Variants in COL5A3 observed in about 807,000 individuals in gnomAD.
COL5A3 encodes collagen alpha-3(V) chain.
A neutral mutation model predicts 250.0 loss-of-function variants in COL5A3; 172 were observed. The observed-to-expected ratio is 0.69, with a 90% CI of 0.61 to 0.78. The LOEUF (loss-of-function observed/expected upper bound fraction) is 0.78, where lower values mean the gene tolerates loss of function less well. Ranked by LOEUF, COL5A3 falls within the 30% of genes least tolerant of loss-of-function variation. The pLI is 0.00. For missense variants in COL5A3, 2,340 were observed against 2,334.4 expected (o/e 1.00, Z -0.05); for synonymous variants, 937 against 900.4 (o/e 1.04, Z -0.73).
chr19:9,979,932 G>A (rs2086983284), intron 36 of COL5A3, 40 bp from the exon 37 acceptor site: 3 of 1,574,538 alleles, frequency 1.9e-6, no homozygotes, highest in African/African-American at 1.4e-5. Flanking sequence ...CACAGATACA[G>A]GGCTTCCTCC....
intron 61 of COL5A3, 90 bp from the exon 62 acceptor site, chr19:9,967,490 C>A: frequency 1.2e-6 from 1 of 826,874 alleles, no homozygotes; most frequent in Non-Finnish European, 1.9e-6. Context: ...CACTCACACA[C>A]ACACTCACAC....
At chr19:9,967,566 G>C in intron 61 of COL5A3, 166 bp from the exon 62 acceptor site, 1 of 615,032 alleles carries the variant, frequency 1.6e-6, no homozygotes, top group Non-Finnish European at 2.8e-6. Context: ...TACAGCCTTG[G>C]GGAAGAGACA....
chr19:9,983,751 G>C (rs922888861), intron 31 of COL5A3, among the ~76,000 whole-genome samples: 3 of 151,264 alleles, frequency 2.0e-5, no homozygotes, highest in Admixed American at 1.3e-4. Context: ...CAGTGAGGGA[G>C]GGAGGGAAGA....
Position 9,996,464 on chromosome 19 carries a change from G to GC in COL5A3, c.1390dup (p.Ala464GlyfsTer84). 6.2e-7 allele frequency: 1 copy of GC among 1,614,066 alleles called. No individual in the cohort carries two copies. The highest frequency in any genetic ancestry group is 8.5e-7 in the Non-Finnish European group (1 of 1,180,010). On this transcript the variant is annotated frameshift_variant, in exon 13 of 67. Transcript: ENST00000264828. LOFTEE classifies it high-confidence loss of function. Reference sequence around the variant, plus strand: ...CTGCTGCAGAACTGCCTGAGCCTGGGCCTGCTGGAATGAGACTGGGGGGCC... The same window carrying GC: ...CTGCTGCAGAACTGCCTGAGCCTGGGCCCTGCTGGAATGAGACTGGGGGGCC...
Position 10,004,117 on chromosome 19 carries a change from G to T in COL5A3, c.623C>A (p.Pro208Gln). The T allele has an allele frequency of 6.2e-7, 1 of 1,613,980 alleles. No homozygotes were observed. The highest frequency in any genetic ancestry group is 8.5e-7 in the Non-Finnish European group (1 of 1,179,930). ...AGCCTGGAAGGCAGCCTGAGGATCT[G>T]GGCTTATCAGCAGCTCCTGAATGTC... ...EGDIQELLIS[P>Q]DPQAAFQACE... The change falls in exon 5 of 67, where the codon CCA (proline) becomes CAA (glutamine). Residue 208 changes from proline (P) to glutamine (Q), a missense_variant. Physicochemically the swap from Pro to Gln is moderately conservative, Grantham distance 76. This residue lies in a region of COL5A3 where 1,152 missense variants were observed against 1,146.3 expected (regional missense o/e 1.00). Transcript: ENST00000264828.
At position 9,973,932 on chromosome 19, in the gene COL5A3, G is replaced by A. The variant is rs1456373275; in HGVS notation, c.3545C>T (p.Pro1182Leu). 6.4e-7 allele frequency: 1 copy of A among 1,558,060 alleles called. No individual in the cohort carries two copies. Among genetic ancestry groups the A allele is most frequent in the Admixed American group, 1.9e-5 (1 of 51,858 alleles). Reference protein sequence around the residue: ...GAPGPRGPQGPTGSEGTPGLP... With the variant: ...GAPGPRGPQGLTGSEGTPGLP... ...AAGAGTTCTCACCTCTGATCCAGTG[G>A]GGCCTTGGGGACCCCGAGGACCTGG... The change falls in exon 48 of 67, where the codon CCC becomes CTC. Residue 1182 changes from proline (P) to leucine (L), a missense_variant. Pro to Leu is a moderately conservative substitution (Grantham distance 98, BLOSUM62 -3). This residue lies in a region of COL5A3 where 1,179 missense variants were observed against 1,162.6 expected (regional missense o/e 1.01). Coordinates refer to ENST00000264828, the MANE Select transcript of COL5A3 (RefSeq NM_015719.4).
At chr19:9,998,256 A>C in intron 8 of COL5A3, 107 bp from the exon 9 acceptor site, 3 of 1,002,692 alleles carry the variant, frequency 3.0e-6, no homozygotes, top group Non-Finnish European at 4.4e-6. Context: ...ACACACACAC[A>C]CGGAGTCCAC....
intron 62 of COL5A3, 37 bp downstream of exon 62, chr19:9,967,310 T>C (rs1033277886): frequency 6.5e-6 from 9 of 1,388,268 alleles, no homozygotes; most frequent in Non-Finnish European, 8.4e-6. Flanking sequence ...TCCCCCCAGG[T>C]TTTGGTGTCC....
rs2087103454 is a variant in COL5A3 at position 9,986,576 on chromosome 19, C to T, written c.2221G>A (p.Asp741Asn). The T allele has an allele frequency of 6.2e-6, 10 of 1,613,922 alleles. No individual in the cohort carries two copies. The highest frequency in any genetic ancestry group is 2.2e-5 in the South Asian group (2 of 91,062). ...ACCTGATCACCTTTGAGCCCCACAT[C>T]GCCCTTGAAGCCTGGGAAGCCGTCC... ...GEDGFPGFKG[D>N]VGLKGDQGKP... is the part of the protein sequence containing the mutation. Residue 741 changes from aspartate (D) to asparagine (N), a missense_variant, in exon 29 of 67, where the codon GAT (aspartate) becomes AAT (asparagine). Asp to Asn is a conservative substitution (Grantham distance 23). Coordinates refer to ENST00000264828, the MANE Select transcript of COL5A3 (RefSeq NM_015719.4).
At chr19:9,999,134 T>C (rs1264579381) in intron 8 of COL5A3, among the ~76,000 whole-genome samples, 2 of 118,082 alleles carry the variant, frequency 1.7e-5, no homozygotes, top group East Asian at 4.7e-4. Context: ...TTCTCTCTCT[T>C]TTTTCCTTCC....
rs1255952672 is a variant in COL5A3, at chr19:10,001,895, G to A, written c.850-14C>T. 1.3e-6 allele frequency: 2 copies of A among 1,594,544 alleles called. No individual in the cohort carries two copies. Among genetic ancestry groups the A allele is most frequent in the Non-Finnish European group, 1.7e-6 (2 of 1,162,734 alleles). Reference sequence around the variant, plus strand: ...GTCAGTGGAGGTCTGGAGCAGGGATGGAGGGAGCCTTGGGTCTCGGGTGAG... The same window carrying A: ...GTCAGTGGAGGTCTGGAGCAGGGATAGAGGGAGCCTTGGGTCTCGGGTGAG... On this transcript the variant is annotated splice_polypyrimidine_tract_variant and intron_variant, in intron 6 of 66. Coordinates refer to ENST00000264828, the MANE Select transcript of COL5A3 (RefSeq NM_015719.4).
rs988019603 is a variant in COL5A3, at chr19:9,980,892, G to T, written c.2506-33C>A. ...AAAAAAAAAGGCAAAGATCAGATATGAGGGGGTGGGGGAGCCTGGGAGATG... is the reference window on the plus strand; with the variant it reads ...AAAAAAAAAGGCAAAGATCAGATATTAGGGGGTGGGGGAGCCTGGGAGATG... On this transcript the variant is annotated intron_variant, in intron 33 of 66. Coordinates refer to ENST00000264828, the MANE Select transcript of COL5A3 (RefSeq NM_015719.4). 3.8e-6 allele frequency: 6 copies of T among 1,591,164 alleles called. No individual in the cohort carries two copies. In the African/African-American group the frequency reaches 6.8e-5, roughly 18 times the overall value.
Position 9,992,213 on chromosome 19 carries a change from G to A in COL5A3, c.1849-165C>T, listed in dbSNP as rs369859852. Among the ~76,000 whole-genome samples, 79 of 151,578 alleles carry A rather than the reference G, an allele frequency of 5.2e-4. 1 individual carries two copies. The highest frequency in any genetic ancestry group is 9.9e-4 in the Non-Finnish European group (67 of 67,866). On this transcript the variant is annotated intron_variant, in intron 21 of 66. Coordinates refer to ENST00000264828, the MANE Select transcript of COL5A3 (RefSeq NM_015719.4). ...TGAGGCAGGTGGATCACCTGAGGTC[G>A]GGAGTTTAAGACCAGCCTGGCCAAC...
At position 9,968,561 on chromosome 19, in the gene COL5A3, C is replaced by T. The variant is rs142581181; in HGVS notation, c.4207-69G>A. ...TTCAGGGAGGTTTTTCTCCTAGAGC[C>T]TTAGGGTGATGAGTTTGGGAGCAGA... On this transcript the variant is annotated intron_variant, in intron 58 of 66. Coordinates refer to ENST00000264828, the MANE Select transcript of COL5A3 (RefSeq NM_015719.4). This position sits in a 1 kb window ranked among gnomAD's most constrained non-coding sequence, Gnocchi z 4.1. The T allele has an allele frequency of 6.2e-4, 980 of 1,580,550 alleles. 1 individual carries two copies. The highest frequency in any genetic ancestry group is 7.9e-4 in the Non-Finnish European group (920 of 1,158,520).
chr19:9,967,861 G>A, intron 61 of COL5A3, 43 bp downstream of exon 61: 1 of 1,594,044 alleles, frequency 6.3e-7, no homozygotes, highest in Non-Finnish European at 8.6e-7. Context: ...GAAGGGGGTG[G>A]GGAGCTGGGA....
chr19:9,960,221 A>G lies in COL5A3; in HGVS notation c.*190T>C, dbSNP rs528095148. On this transcript the variant is annotated 3_prime_UTR_variant, in exon 67 of 67. Coordinates refer to ENST00000264828, the MANE Select transcript of COL5A3 (RefSeq NM_015719.4). ...CTGGAATGGGGTGAGAGGAGGCTGG[A>G]CCCTTGGGCCAGGGAACCCCAGCCC... 90 of 668,806 alleles carry G rather than the reference A, an allele frequency of 1.3e-4. No individual in the cohort carries two copies. The African/African-American group carries it at 1.5e-3, about 11-fold the overall frequency. The allele number at this position is 668,806 out of a possible 1,614,324, so 41.4% of individuals were successfully genotyped here. A position where few individuals can be genotyped will look rare whatever the true frequency, so the allele number is the denominator to read the frequency against.
chr19:10,003,929 G>T, intron 5 of COL5A3, 112 bp downstream of exon 5: 2 of 1,062,508 alleles, frequency 1.9e-6, no homozygotes, highest in Non-Finnish European at 2.9e-6. Context: ...GGAGGTCACG[G>T]GTCACTTAAC....
chr19:9,996,621 C>G lies in COL5A3; in HGVS notation c.1332G>C (p.Met444Ile), dbSNP rs2087277621. The G allele has an allele frequency of 6.2e-6, 10 of 1,613,910 alleles. No homozygotes were observed. The East Asian group carries it at 2.2e-4, about 36-fold the overall frequency. Residue 444 changes from methionine (M) to isoleucine (I), a missense_variant, in exon 12 of 67, where the codon ATG becomes ATC. By Grantham distance (10) the Met-to-Ile change is conservative. Transcript: ENST00000264828. Reference protein sequence around the residue: ...GIRGPPGTVIMMPFQFAGGSF... With the variant: ...GIRGPPGTVIIMPFQFAGGSF... ...CACTCCATCTCCTTCTTACCGGCAT[C>G]ATGATCACAGTGCCCGGTGGGCCTC...
rs377335266 is a variant in COL5A3 at position 9,960,534 on chromosome 19, G to A, written c.5115C>T (p.Thr1705=). 83 of 1,614,052 alleles carry A rather than the reference G, an allele frequency of 5.1e-5. No individual in the cohort carries two copies. The highest frequency in any genetic ancestry group is 6.5e-5 in the Non-Finnish European group (77 of 1,180,040). Residue 1705 remains threonine, a synonymous_variant, in exon 67 of 67, where the codon ACC becomes ACT. Coordinates refer to ENST00000264828, the MANE Select transcript of COL5A3 (RefSeq NM_015719.4). ...CTCGAGAAGAGCTGAATTCGAAAAGGGTCTTCGTCTGTCCTTTCCGGAGCT... is the reference window on the plus strand; with the variant it reads ...CTCGAGAAGAGCTGAATTCGAAAAGAGTCTTCGTCTGTCCTTTCCGGAGCT... ...GCRLRKGQTK[T]LFEFSSSRAG...
Sources: allele counts gnomAD v4.1 joint callset (sites outside exome capture counted in the v4.1 genomes callset), GRCh38; gene constraint gnomAD v4.1.1; regional missense constraint gnomAD v4.1.1; non-coding constraint Gnocchi (gnomAD v3.1); transcripts MANE v1.5; gene names NCBI Gene and HGNC (gene_info 2026-07-23, HGNC 2026-07-21).